The following DDX1 variants were observed in gnomAD, a reference collection of about 807,000 sequenced individuals.
DDX1 encodes the protein ATP-dependent RNA helicase DDX1.
In DDX1, 28 loss-of-function variants were observed where a neutral mutation model predicts 108.7. The ratio of observed to expected loss-of-function variants is 0.26; its 90% CI spans 0.19 to 0.35. The LOEUF (loss-of-function observed/expected upper bound fraction) is 0.35. Among genes scored for constraint, DDX1 ranks in the 10% least tolerant of loss-of-function variants. The pLI is 1.00. For missense variants in DDX1, 710 were observed against 884.5 expected, an observed-to-expected ratio of 0.80 and a Z score of 2.50; for synonymous variants, 295 against 288.9, an observed-to-expected ratio of 1.02 and a Z score of -0.21.
intron 7 of DDX1, 60 bp downstream of exon 7, chr2:15,602,691 GTTTT>G: frequency 3.1e-6 from 4 of 1,272,854 alleles, no homozygotes; most frequent in Non-Finnish European, 4.6e-6. Context: ...ATACGTGAGG[GTTTT>G]TTTGTTGTTG....
chr2:15,592,307 C>T (rs1246728455), intron 1 of DDX1, among the ~76,000 whole-genome samples: 2 of 152,200 alleles, frequency 1.3e-5, no homozygotes, highest in Non-Finnish European at 2.9e-5. Flanking sequence ...GGCAGTGACC[C>T]TTTGGGAACC....
Position 15,614,594 on chromosome 2 carries a change from A to G in DDX1, c.1017+1310A>G, listed in dbSNP as rs149449877. Among the ~76,000 whole-genome samples the G allele has an allele frequency of 1.2e-4, 18 of 152,328 alleles. No individual in the cohort carries two copies. In the East Asian group the frequency reaches 3.1e-3, roughly 26 times the overall value. On this transcript the variant is annotated intron_variant, in intron 14 of 25. Transcript: ENST00000233084. ...ATGAATGGGTTAATGCCTTTGCTGT[A>G]GGAGCGGGTTAGTTATTGCAGGAGT...
intron 13 of DDX1, among the ~76,000 whole-genome samples, chr2:15,612,791 G>C (rs1432985055): frequency 6.6e-6 from 1 of 152,234 alleles, no homozygotes; most frequent in South Asian, 2.1e-4. Flanking sequence ...GATCACTCGC[G>C]GTTAGGAGCT....
chr2:15,604,091 T>A (rs1665628475), intron 9 of DDX1, among the ~76,000 whole-genome samples: 1 of 152,238 alleles, frequency 6.6e-6, no homozygotes, highest in Non-Finnish European at 1.5e-5. Flanking sequence ...AATTTTTCTT[T>A]TATGCCATTT....
At position 15,594,045 on chromosome 2, in the gene DDX1, T is replaced by G. The variant is rs188167553; in HGVS notation, c.17-1100T>G. Reference sequence around the variant, plus strand: ...GTGAGTGGAGATCATGCCCCTACACTCCAGCCTGGGTGACAGAGTGAGACT... The same window carrying G: ...GTGAGTGGAGATCATGCCCCTACACGCCAGCCTGGGTGACAGAGTGAGACT... On this transcript the variant is annotated intron_variant, in intron 1 of 25. Coordinates refer to ENST00000233084, the MANE Select transcript of DDX1 (RefSeq NM_004939.3). Among the ~76,000 whole-genome samples, 223 of 150,408 alleles carry G rather than the reference T, an allele frequency of 1.5e-3. 1 individual carries two copies. The highest frequency in any genetic ancestry group is 5.1e-3 in the African/African-American group (209 of 40,894).
At chr2:15,617,462 T>A (rs1665919415) in intron 15 of DDX1, 120 bp downstream of exon 15, 2 of 441,656 alleles carry the variant, frequency 4.5e-6, no homozygotes, top group Non-Finnish European at 7.8e-6. Flanking sequence ...ATAATCATTG[T>A]TATCAGTTTG....
At chr2:15,622,201 A>G (rs1407409136) in intron 18 of DDX1, among the ~76,000 whole-genome samples, 3 of 152,224 alleles carry the variant, frequency 2.0e-5, no homozygotes, top group Admixed American at 2.0e-4. Flanking sequence ...CATTTTAACT[A>G]TTAGTGTACA....
rs1190742752 is a variant in DDX1, at chr2:15,612,367, T to C, written c.957-857T>C. Among the ~76,000 whole-genome samples, 8 of 142,666 alleles carry C rather than the reference T, an allele frequency of 5.6e-5. No homozygotes were observed. The East Asian group carries it at 1.3e-3, about 23-fold the overall frequency. The allele number at this position is 142,666 out of a possible 152,430, so 93.6% of individuals were successfully genotyped here. A position where few individuals can be genotyped will look rare whatever the true frequency, so the allele number is the denominator to read the frequency against. On this transcript the variant is annotated intron_variant, in intron 13 of 25. Transcript: ENST00000233084. Reference sequence around the variant, plus strand: ...GAGGCGCCCCCCACATCTCAGACGATGGGCAGCTGGGCAGAGACGCTCCTC... The same window carrying C: ...GAGGCGCCCCCCACATCTCAGACGACGGGCAGCTGGGCAGAGACGCTCCTC...
At chr2:15,592,286 C>T (rs998288703) in intron 1 of DDX1, among the ~76,000 whole-genome samples, 1 of 152,222 alleles carries the variant, frequency 6.6e-6, no homozygotes, top group Non-Finnish European at 1.5e-5. Flanking sequence ...GGGCCTCCTG[C>T]CTCTTAACGT....
chr2:15,612,232 C>T lies in DDX1; in HGVS notation c.957-992C>T, dbSNP rs1225775696. ...GGACGGGGTGGCTGCCGGGCGGTGA[C>T]GCTCCTCACTTCTCAGACGGGGCGG... On this transcript the variant is annotated intron_variant, in intron 13 of 25. Transcript: ENST00000233084. 5.4e-5 allele frequency among the ~76,000 whole-genome samples: 8 copies of T among 147,368 alleles called. No individual in the cohort carries two copies. The East Asian group carries it at 1.4e-3, about 26-fold the overall frequency.
chr2:15,623,377 A>G lies in DDX1; in HGVS notation c.1448-59A>G, dbSNP rs937714093. 14 of 1,556,938 alleles carry G rather than the reference A, an allele frequency of 9.0e-6. No individual in the cohort carries two copies. In the African/African-American group the frequency reaches 1.4e-4, roughly 15 times the overall value. On this transcript the variant is annotated intron_variant, in intron 18 of 25. Transcript: ENST00000233084. ...TCAGTCTGTGACTATAATTATGTGT[A>G]TTCATGACAAGTTCAGATTGAAATT...
chr2:15,597,302 G>C, intron 4 of DDX1, 73 bp from the exon 5 acceptor site: 1 of 950,430 alleles, frequency 1.1e-6, no homozygotes, highest in Admixed American at 2.6e-5. Context: ...CATAACTTTT[G>C]TCATTTATAT....
chr2:15,628,640 A>G lies in DDX1; in HGVS notation c.1762A>G (p.Ile588Val). The change falls in exon 22 of 26, where the codon ATA becomes GTA. Residue 588 changes from isoleucine to valine, a missense_variant and splice_region_variant. Ile to Val is a conservative substitution (Grantham distance 29). Around this residue, in one of 3 missense-constraint regions of DDX1, gnomAD observed 661 missense variants for 810.2 expected, o/e 0.82. Coordinates refer to ENST00000233084, the MANE Select transcript of DDX1 (RefSeq NM_004939.3). ...GIDIHGVPYVINVTLPDEKQN... is the reference protein window; with the variant it reads ...GIDIHGVPYVVNVTLPDEKQN... ...TTAATAATGGTTTTTATTTATAGTT[A>G]TAAATGTCACTCTGCCCGATGAAAA... is the stretch of plus-strand genomic sequence containing the variant. The G allele has an allele frequency of 6.2e-6, 10 of 1,611,080 alleles. No individual in the cohort carries two copies. The highest frequency in any genetic ancestry group is 8.5e-6 in the Non-Finnish European group (10 of 1,178,210).
intron 24 of DDX1, 23 bp from the exon 25 acceptor site, chr2:15,629,967 G>C: frequency 6.4e-7 from 1 of 1,556,852 alleles, no homozygotes; most frequent in Non-Finnish European, 8.6e-7. Context: ...TTTTTATTTG[G>C]AAATTTTCTC....
chr2:15,625,659 G>T (rs1666091396), intron 19 of DDX1, among the ~76,000 whole-genome samples: 1 of 151,982 alleles, frequency 6.6e-6, no homozygotes, highest in African/African-American at 2.4e-5. Context: ...AATTATTTCA[G>T]TGTTGCTACG....
chr2:15,601,669 A>G (rs147905799), intron 6 of DDX1, among the ~76,000 whole-genome samples: 141 of 152,340 alleles, frequency 9.3e-4, no homozygotes, highest in African/African-American at 2.6e-3. Context: ...GGAAGCTCCT[A>G]GATAACTTTT....
intron 13 of DDX1, among the ~76,000 whole-genome samples, chr2:15,612,574 G>A (rs1665793740): frequency 6.6e-6 from 1 of 151,772 alleles, no homozygotes; most frequent in Admixed American, 6.5e-5. Flanking sequence ...GGGCGGCCAG[G>A]CAGAGACGCT....
intron 5 of DDX1, among the ~76,000 whole-genome samples, 193 bp downstream of exon 5, chr2:15,597,664 C>T (rs1665523643): frequency 6.6e-6 from 1 of 152,108 alleles, no homozygotes; most frequent in Non-Finnish European, 1.5e-5. Context: ...GTTGTCCCTC[C>T]TAAAATACTA....
intron 9 of DDX1, 25 bp downstream of exon 9, chr2:15,603,915 A>T: frequency 6.8e-7 from 1 of 1,481,262 alleles, no homozygotes; most frequent in South Asian, 1.2e-5. Flanking sequence ...TATGACTTCA[A>T]CATAGCATAA....
Sources: gnomAD v4.1 joint callset for allele counts (sites outside exome capture counted in the v4.1 genomes callset) on GRCh38, gnomAD v4.1.1 for gene constraint, gnomAD v4.1.1 regional missense constraint, MANE v1.5 for transcripts, NCBI Gene and HGNC (gene_info 2026-07-23, HGNC 2026-07-21) for gene names.